Variants in XRCC4 observed in about 807,000 individuals in gnomAD.
XRCC4 encodes X-ray repair cross complementing 4.
In XRCC4, 28 loss-of-function variants were observed where a neutral mutation model predicts 39.1. The observed-to-expected ratio is 0.72, with a 90% CI of 0.53 to 0.98. The LOEUF (loss-of-function observed/expected upper bound fraction) is 0.98, where lower values mean the gene tolerates loss of function less well. XRCC4 is among the 50% of genes least tolerant of loss of function. The pLI is 0.00. For synonymous variants in XRCC4, 123 were observed against 126.4 expected (o/e 0.97, Z 0.18); for missense variants, 350 against 376.4 (o/e 0.93, Z 0.58).
chr5:83,353,308 A>G lies in XRCC4; in HGVS notation c.*66A>G. On this transcript the variant is annotated 3_prime_UTR_variant, in exon 8 of 8. Coordinates refer to ENST00000396027, the MANE Select transcript of XRCC4 (RefSeq NM_003401.5). ...TCTATTCATTTCTTTAAAATGAAAAAGGAGAATTTCAAGTCAGCAGCCGCT... is the reference window on the plus strand; with the variant it reads ...TCTATTCATTTCTTTAAAATGAAAAGGGAGAATTTCAAGTCAGCAGCCGCT... The G allele has an allele frequency of 7.6e-7, 1 of 1,308,938 alleles. No homozygotes were observed. Among genetic ancestry groups the G allele is most frequent in the East Asian group, 2.5e-5 (1 of 40,776 alleles). The allele number at this position is 1,308,938 out of a possible 1,614,324, so 81.1% of individuals were successfully genotyped here. A position where few individuals can be genotyped will look rare whatever the true frequency, so the allele number is the denominator to read the frequency against.
At chr5:83,114,153 C>G (rs1476536594) in intron 3 of XRCC4, among the ~76,000 whole-genome samples, 1 of 114,526 alleles carries the variant, frequency 8.7e-6, no homozygotes, top group African/African-American at 3.9e-5. Flanking sequence ...GGGGCCTGGA[C>G]CTGGCCCAGG....
At chr5:83,284,160 A>G (rs929585180) in intron 7 of XRCC4, among the ~76,000 whole-genome samples, 3 of 148,852 alleles carry the variant, frequency 2.0e-5, no homozygotes, top group African/African-American at 4.9e-5. Context: ...TTTGTTATTG[A>G]TGATCCTATT....
chr5:83,340,831 T>C (rs1001819569), intron 7 of XRCC4, among the ~76,000 whole-genome samples: 4 of 152,198 alleles, frequency 2.6e-5, no homozygotes, highest in African/African-American at 9.7e-5. Flanking sequence ...CATCCCACGC[T>C]ATGGTGAAAC....
At chr5:83,128,677 A>G (rs565739072) in intron 3 of XRCC4, among the ~76,000 whole-genome samples, 332 of 152,218 alleles carry the variant, frequency 2.2e-3, no homozygotes, top group Non-Finnish European at 3.6e-3. Flanking sequence ...TAACTGGTGT[A>G]AGATGATATC....
chr5:83,278,417 T>C (rs1254266698), intron 7 of XRCC4, among the ~76,000 whole-genome samples: 1 of 152,162 alleles, frequency 6.6e-6, no homozygotes, highest in Non-Finnish European at 1.5e-5. Context: ...AACACCACAG[T>C]CTGGGTCATT....
intron 3 of XRCC4, among the ~76,000 whole-genome samples, chr5:83,117,327 C>A (rs994188537): frequency 3.3e-5 from 5 of 152,152 alleles, no homozygotes; most frequent in Non-Finnish European, 7.4e-5. Flanking sequence ...GTGCTTTGGG[C>A]CACTGTTTTC....
At chr5:83,347,814 C>T (rs1011110675) in intron 7 of XRCC4, among the ~76,000 whole-genome samples, 1 of 152,180 alleles carries the variant, frequency 6.6e-6, no homozygotes, top group Non-Finnish European at 1.5e-5. Flanking sequence ...AGGCAAGTCT[C>T]TTCGACCTAC....
chr5:83,255,154 A>G (rs946851685), intron 6 of XRCC4, among the ~76,000 whole-genome samples: 17 of 152,102 alleles, frequency 1.1e-4, no homozygotes, highest in Admixed American at 3.3e-4. Flanking sequence ...ATACTTAGGT[A>G]CCAAGTATTG....
At chr5:83,308,440 A>G (rs1755566274) in intron 7 of XRCC4, among the ~76,000 whole-genome samples, 1 of 152,186 alleles carries the variant, frequency 6.6e-6, no homozygotes, top group Admixed American at 6.5e-5. Context: ...TTAACCATTT[A>G]TATTTTGGGG....
chr5:83,290,115 G>A (rs1220528227), intron 7 of XRCC4, among the ~76,000 whole-genome samples: 11 of 151,750 alleles, frequency 7.2e-5, no homozygotes, highest in African/African-American at 2.2e-4. Flanking sequence ...TGACTCTCTC[G>A]ATTTGTCTTT....
At chr5:83,211,565 A>C (rs1032966772) in intron 6 of XRCC4, among the ~76,000 whole-genome samples, 1 of 152,184 alleles carries the variant, frequency 6.6e-6, no homozygotes, top group Non-Finnish European at 1.5e-5. Context: ...ACATATCTTC[A>C]TAGGAGAATA....
rs557903338 is a variant in XRCC4, at chr5:83,229,476, A to T, written c.745+24555A>T. Among the ~76,000 whole-genome samples the T allele has an allele frequency of 4.0e-5, 6 of 151,766 alleles. No homozygotes were observed. The South Asian group carries it at 1.2e-3, about 32-fold the overall frequency. On this transcript the variant is annotated intron_variant, in intron 6 of 7. Coordinates refer to ENST00000396027, the MANE Select transcript of XRCC4 (RefSeq NM_003401.5). The stretch of plus-strand genomic sequence containing the variant: ...AGTATTGTTAACTCAAAGACCAATG[A>T]CGGGTTGTGAAGAAGATGCTATCCA...
intron 7 of XRCC4, chr5:83,280,069 T>C (rs1754482531): frequency 5.0e-6 from 1 of 199,754 alleles, no homozygotes; most frequent in Non-Finnish European, 1.1e-5. Context: ...GAGATTGCAA[T>C]TCAAAAGAAA....
chr5:83,287,462 G>A (rs1754775016), intron 7 of XRCC4, among the ~76,000 whole-genome samples: 1 of 151,966 alleles, frequency 6.6e-6, no homozygotes. Context: ...ATTTGACTAT[G>A]CCAACCAGAA....
chr5:83,355,162 A>G (rs1757175506), downstream of XRCC4, among the ~76,000 whole-genome samples: 2 of 152,068 alleles, frequency 1.3e-5, no homozygotes, highest in African/African-American at 4.8e-5. Flanking sequence ...TGGAATGCTC[A>G]GCTTCACATG....
chr5:83,261,512 C>G (rs1753748358), intron 7 of XRCC4, among the ~76,000 whole-genome samples: 1 of 151,902 alleles, frequency 6.6e-6, no homozygotes. Context: ...CACCAGACAT[C>G]TTACATGTGA....
At chr5:83,185,540 C>T (rs964338503) in intron 3 of XRCC4, among the ~76,000 whole-genome samples, 14 of 151,146 alleles carry the variant, frequency 9.3e-5, no homozygotes, top group Admixed American at 2.6e-4. Flanking sequence ...GTCTGAAATT[C>T]GTAGTCAAAA....
At chr5:83,194,107 A>G (rs1227405260) in intron 3 of XRCC4, among the ~76,000 whole-genome samples, 3 of 151,996 alleles carry the variant, frequency 2.0e-5, no homozygotes, top group African/African-American at 7.3e-5. Context: ...TCATTTTTGT[A>G]TTTTTAGTAA....
chr5:83,170,544 G>A (rs1384382484), intron 3 of XRCC4, among the ~76,000 whole-genome samples: 1 of 152,036 alleles, frequency 6.6e-6, no homozygotes, highest in Non-Finnish European at 1.5e-5. Flanking sequence ...CATAATTGTT[G>A]GCAGCATTCA....
Sources: gnomAD v4.1 joint callset for allele counts (sites outside exome capture counted in the v4.1 genomes callset) on GRCh38, gnomAD v4.1.1 for gene constraint, MANE v1.5 for transcripts, NCBI Gene and HGNC (gene_info 2026-07-23, HGNC 2026-07-21) for gene names.